The following ZNF326 variants were observed in gnomAD, a reference collection of about 807,000 sequenced individuals.
The protein encoded by ZNF326 is DBIRD complex subunit ZNF326.
A neutral mutation model predicts 63.1 loss-of-function variants in ZNF326; 30 were observed. The observed-to-expected ratio is 0.48, with a 90% CI of 0.36 to 0.64. The LOEUF (loss-of-function observed/expected upper bound fraction) is 0.64, where lower values mean the gene tolerates loss of function less well. Among genes scored for constraint, ZNF326 ranks in the 30% least tolerant of loss-of-function variants. The pLI is 0.00. For synonymous variants in ZNF326, 194 were observed against 228.2 expected (o/e 0.85, Z 1.35); for missense variants, 609 against 720.3 (o/e 0.85, Z 1.77).
intron 2 of ZNF326, among the ~76,000 whole-genome samples, chr1:90,001,700 CCCA>C (rs1420510164): frequency 6.6e-6 from 1 of 151,994 alleles, no homozygotes; most frequent in Non-Finnish European, 1.5e-5. Context: ...ATTACAGGCA[CCCA>C]CCACCATGCC....
chr1:90,022,360 C>A lies in ZNF326; in HGVS notation c.1401+15C>A. On this transcript the variant is annotated intron_variant, in intron 11 of 11. Coordinates refer to ENST00000340281, the MANE Select transcript of ZNF326 (RefSeq NM_182976.4). The stretch of plus-strand genomic sequence containing the variant: ...GTTTTGTTAAGGTAAGATTTTAGGG[C>A]AAAAACCTTTTCAATAATATTGTAG... 6.4e-7 allele frequency: 1 copy of A among 1,573,268 alleles called. No homozygotes were observed. The highest frequency in any genetic ancestry group is 8.7e-7 in the Non-Finnish European group (1 of 1,148,328).
rs950857337 is a variant in ZNF326 at position 89,995,227 on chromosome 1, C to A, written c.-31C>A. On this transcript the variant is annotated 5_prime_UTR_variant, in exon 1 of 12. Transcript: ENST00000340281. ...CCGCCGGCCATAGCTCAGCCTAGCG[C>A]CGCCAAGGCCGACGGCCCTCAGCCT... The A allele has an allele frequency of 1.9e-6, 3 of 1,543,276 alleles. No homozygotes were observed. The South Asian group carries it at 3.6e-5, about 18-fold the overall frequency.
At chr1:90,004,255 A>G (rs544417173) in intron 2 of ZNF326, among the ~76,000 whole-genome samples, 1 of 152,228 alleles carries the variant, frequency 6.6e-6, no homozygotes, top group East Asian at 1.9e-4. Flanking sequence ...TTATAGGCAC[A>G]GTGCCATAGA....
intron 4 of ZNF326, chr1:90,006,566 A>G: frequency 4.2e-6 from 3 of 720,840 alleles, no homozygotes; most frequent in Non-Finnish European, 5.1e-6. Context: ...TTTATGTGAT[A>G]ATTTCCTGAA....
chr1:90,016,620 T>C (rs1210360141), intron 7 of ZNF326, among the ~76,000 whole-genome samples: 1 of 151,152 alleles, frequency 6.6e-6, no homozygotes, highest in Non-Finnish European at 1.5e-5. Context: ...GGGAGGCTGA[T>C]GTGGGAGAAT....
intron 11 of ZNF326, among the ~76,000 whole-genome samples, chr1:90,022,672 A>G (rs1649829002): frequency 6.6e-6 from 1 of 152,156 alleles, no homozygotes; most frequent in South Asian, 2.1e-4. Flanking sequence ...GTTGCTGTGG[A>G]CTTTTAATAT....
chr1:90,010,584 A>G (rs1278217836), intron 6 of ZNF326, among the ~76,000 whole-genome samples: 1 of 152,122 alleles, frequency 6.6e-6, no homozygotes, highest in Non-Finnish European at 1.5e-5. Context: ...GCCTAAGTCA[A>G]ACAACCAGTG....
At chr1:89,995,359 C>T (rs1320427169) in intron 1 of ZNF326, 86 bp downstream of exon 1, 2 of 1,475,070 alleles carry the variant, frequency 1.4e-6, no homozygotes, top group South Asian at 1.3e-5. Flanking sequence ...TCAAGATGGC[C>T]GTGTGGGCTT....
intron 2 of ZNF326, among the ~76,000 whole-genome samples, chr1:89,999,260 G>C (rs1254092882): frequency 6.6e-6 from 1 of 150,926 alleles, no homozygotes; most frequent in Non-Finnish European, 1.5e-5. Flanking sequence ...CTAGTAATGG[G>C]TAGAAAATTG....
chr1:90,005,299 T>C, intron 4 of ZNF326, 55 bp downstream of exon 4: 1 of 1,577,548 alleles, frequency 6.3e-7, no homozygotes, highest in Non-Finnish European at 8.6e-7. Flanking sequence ...ATTTTGGATA[T>C]ATTATTTTAA....
chr1:90,000,030 G>A (rs1327499974), intron 2 of ZNF326, among the ~76,000 whole-genome samples: 2 of 152,188 alleles, frequency 1.3e-5, no homozygotes, highest in African/African-American at 4.8e-5. Context: ...TTGCGAGGGA[G>A]AGTAACATAG....
At position 90,020,669 on chromosome 1, in the gene ZNF326, A is replaced by G. The variant is rs533375172; in HGVS notation, c.1175-123A>G. 75 of 876,170 alleles carry G rather than the reference A, an allele frequency of 8.6e-5. No homozygotes were observed. In the Middle Eastern group the frequency reaches 1.1e-3, roughly 12 times the overall value. The allele number at this position is 876,170 out of a possible 1,614,324, so 54.3% of individuals were successfully genotyped here. On this transcript the variant is annotated intron_variant, in intron 9 of 11. Transcript: ENST00000340281. ...TGGTAGAAATACTCAGCATAAACCT[A>G]TGCACTCTGATCTTTATTTTGGAAG...
chr1:89,999,272 G>C (rs927594867), intron 2 of ZNF326, among the ~76,000 whole-genome samples: 19 of 151,714 alleles, frequency 1.3e-4, no homozygotes, highest in African/African-American at 4.6e-4. Context: ...AGAAAATTGA[G>C]AGGGTTGAAT....
chr1:90,001,152 C>A (rs577001717), intron 2 of ZNF326, among the ~76,000 whole-genome samples: 10 of 152,256 alleles, frequency 6.6e-5, no homozygotes, highest in South Asian at 6.2e-4. Flanking sequence ...ATGTCAGTAG[C>A]ATCTGCCCCC....
chr1:90,027,882 TTTTAG>T lies in ZNF326; in HGVS notation c.*190_*194del, dbSNP rs1218004581. On this transcript the variant is annotated 3_prime_UTR_variant, in exon 12 of 12. Transcript: ENST00000340281. ...GTTTAATAAAATGAAGGCAAAACTA[TTTTAG>T]TTTAGTTTTTATAGCTACCAGACTT... is the stretch of plus-strand genomic sequence containing the variant. 1 of 611,606 alleles carries T rather than the reference TTTTAG, an allele frequency of 1.6e-6. No individual in the cohort carries two copies. Among genetic ancestry groups the T allele is most frequent in the South Asian group, 2.4e-5 (1 of 42,028 alleles). 37.9% of individuals were successfully genotyped at this position (611,606 alleles called of 1,614,324 possible). A position where few individuals can be genotyped will look rare whatever the true frequency, so the allele number is the denominator to read the frequency against.
chr1:90,010,278 A>C lies in ZNF326; in HGVS notation c.806A>C (p.Lys269Thr). 6.2e-7 allele frequency: 1 copy of C among 1,613,268 alleles called. No homozygotes were observed. Among genetic ancestry groups the C allele is most frequent in the Non-Finnish European group, 8.5e-7 (1 of 1,179,624 alleles). ...CCTATGGAGAAGATAAGCCTCAGCA[A>C]ATCACCCAGTAAGTAAGAAAACATA... ...AKPMEKISLS[K>T]SPTKTDPKNE... The change falls in exon 6 of 12, where the codon AAA (lysine) becomes ACA (threonine). Residue 269 changes from lysine (K) to threonine (T), a missense_variant. Transcript: ENST00000340281.
rs1216943671 is a variant in ZNF326, at chr1:90,035,425, C to T, written c.*7724C>T. ...TGTAATTTGAAAATCCCATTTGCAG[C>T]AAAACTTGGAACTGTATACTGTCTA... On this transcript the variant is annotated 3_prime_UTR_variant, in exon 12 of 12. Coordinates refer to ENST00000340281, the MANE Select transcript of ZNF326 (RefSeq NM_182976.4). 6.6e-6 allele frequency: 1 copy of T among 152,028 alleles called. No homozygotes were observed. The highest frequency in any genetic ancestry group is 1.5e-5 in the Non-Finnish European group (1 of 68,006). The allele number at this position is 152,028 out of a possible 1,614,324, so 9.4% of individuals were successfully genotyped here. A position where few individuals can be genotyped will look rare whatever the true frequency, so the allele number is the denominator to read the frequency against.
intron 11 of ZNF326, among the ~76,000 whole-genome samples, chr1:90,025,382 C>T (rs968866036): frequency 4.6e-5 from 7 of 152,152 alleles, no homozygotes; most frequent in African/African-American, 1.7e-4. Flanking sequence ...CTGCATACTC[C>T]ACCTCCCGGG....
chr1:90,008,579 T>C (rs560736200), intron 5 of ZNF326, among the ~76,000 whole-genome samples: 2 of 152,202 alleles, frequency 1.3e-5, no homozygotes, highest in Non-Finnish European at 2.9e-5. Flanking sequence ...AGTAAGTGTA[T>C]GCAGATTGTG....
Sources: gnomAD v4.1 joint callset for allele counts (sites outside exome capture counted in the v4.1 genomes callset) on GRCh38, gnomAD v4.1.1 for gene constraint, MANE v1.5 for transcripts, NCBI Gene and HGNC (gene_info 2026-07-23, HGNC 2026-07-21) for gene names.